CCDC12: variants seen among roughly 807,000 people sequenced by gnomAD.
The protein encoded by CCDC12 is coiled-coil domain-containing protein 12.
In CCDC12, 28 loss-of-function variants were observed where a neutral mutation model predicts 25.7. The ratio of observed to expected loss-of-function variants is 1.09; its 90% confidence interval spans 0.81 to 1.50. The LOEUF (loss-of-function observed/expected upper bound fraction) is 1.50, where lower values mean the gene tolerates loss of function less well. CCDC12 is among the 40% of genes most tolerant of loss of function. The probability of loss-of-function intolerance (pLI) is 0.00; values close to 1 mark genes in which losing one functional copy is unlikely to be tolerated. For synonymous variants in CCDC12, 75 were observed against 87.7 expected, an observed-to-expected ratio of 0.86 and a Z score of 0.81; for missense variants, 198 against 210.0, an observed-to-expected ratio of 0.94 and a Z score of 0.35.
intron 1 of CCDC12, among the ~76,000 whole-genome samples, chr3:46,943,352 G>A (rs778658859): frequency 9.9e-5 from 15 of 152,092 alleles, no homozygotes; most frequent in Non-Finnish European, 1.6e-4. Context: ...CCCAACCAGC[G>A]GACACCCTGA....
chr3:46,943,202 C>T (rs1260158551), intron 1 of CCDC12, among the ~76,000 whole-genome samples: 1 of 152,130 alleles, frequency 6.6e-6, no homozygotes, highest in Non-Finnish European at 1.5e-5. Flanking sequence ...CAGGATTCTC[C>T]AAATGGCTCC....
chr3:46,953,439 T>C (rs2034189679), intron 1 of CCDC12, among the ~76,000 whole-genome samples: 1 of 152,124 alleles, frequency 6.6e-6, no homozygotes, highest in Non-Finnish European at 1.5e-5. Flanking sequence ...GTGGGTAGTA[T>C]TTTTTCCATC....
chr3:46,961,131 G>T (rs1446855284), intron 1 of CCDC12, among the ~76,000 whole-genome samples: 4 of 151,968 alleles, frequency 2.6e-5, no homozygotes, highest in African/African-American at 9.7e-5. Flanking sequence ...CAGGGGGCTG[G>T]GTGTGGAGAG....
chr3:46,976,898 G>A (rs1034422089), upstream of CCDC12: 3 of 884,096 alleles, frequency 3.4e-6, no homozygotes, highest in Non-Finnish European at 2.9e-6. Context: ...GCCTTGCCCC[G>A]CCCCGCCCCG....
chr3:46,951,442 C>T (rs1413489671), intron 1 of CCDC12, among the ~76,000 whole-genome samples: 1 of 151,830 alleles, frequency 6.6e-6, no homozygotes, highest in Non-Finnish European at 1.5e-5. Flanking sequence ...TCACGTTGTA[C>T]ACCATAAATA....
chr3:46,976,937 C>T, upstream of CCDC12: 1 of 659,716 alleles, frequency 1.5e-6, no homozygotes, highest in South Asian at 3.5e-5. Context: ...GGACAACTTG[C>T]CTAGTGGGTG....
chr3:46,925,143 T>A (rs2032888669), intron 3 of CCDC12: 1 of 518,208 alleles, frequency 1.9e-6, no homozygotes, highest in African/African-American at 1.9e-5. Flanking sequence ...CATGACCACA[T>A]CCACTTCTCA....
intron 1 of CCDC12, among the ~76,000 whole-genome samples, chr3:46,968,973 C>T (rs2034719392): frequency 6.6e-6 from 1 of 152,226 alleles, no homozygotes; most frequent in African/African-American, 2.4e-5. Context: ...TTATGACTGC[C>T]AACCTGCCAA....
At chr3:46,974,389 C>T (rs1271460902) in intron 1 of CCDC12, among the ~76,000 whole-genome samples, 1 of 152,210 alleles carries the variant, frequency 6.6e-6, no homozygotes, top group Non-Finnish European at 1.5e-5. Flanking sequence ...AGCCAGTTCT[C>T]CTGATGATCT....
At chr3:46,929,224 A>G (rs2033103976) in intron 2 of CCDC12, among the ~76,000 whole-genome samples, 1 of 152,230 alleles carries the variant, frequency 6.6e-6, no homozygotes, top group African/African-American at 2.4e-5. Flanking sequence ...AAATCACTAA[A>G]AGAAAGGGAA....
chr3:46,953,585 A>T (rs981817640), intron 1 of CCDC12, among the ~76,000 whole-genome samples: 2 of 151,812 alleles, frequency 1.3e-5, no homozygotes, highest in Admixed American at 6.6e-5. Context: ...GAAGCAGGAA[A>T]CCATGGCTGG....
chr3:46,972,138 A>G (rs2034821919), intron 1 of CCDC12, among the ~76,000 whole-genome samples: 1 of 152,214 alleles, frequency 6.6e-6, no homozygotes, highest in South Asian at 2.1e-4. Context: ...AAACAGATAA[A>G]TTGAACTTCA....
intron 1 of CCDC12, among the ~76,000 whole-genome samples, chr3:46,957,667 G>T (rs1044785379): frequency 6.6e-6 from 1 of 152,102 alleles, no homozygotes; most frequent in Non-Finnish European, 1.5e-5. Context: ...TAGCCAGGGC[G>T]GCGGTGGCTC....
At chr3:46,972,856 C>T (rs894083452) in intron 1 of CCDC12, among the ~76,000 whole-genome samples, 1 of 151,860 alleles carries the variant, frequency 6.6e-6, no homozygotes, top group Non-Finnish European at 1.5e-5. Flanking sequence ...CACACTGCTG[C>T]TGGGAATGTA....
chr3:46,923,304 C>T, intron 5 of CCDC12, 25 bp downstream of exon 5: 3 of 1,473,852 alleles, frequency 2.0e-6, no homozygotes, highest in Admixed American at 4.8e-5. Flanking sequence ...TCAGCCTGCA[C>T]CCGCCACGCA....
intron 1 of CCDC12, chr3:46,965,842 T>C (rs1683559191): frequency 6.6e-6 from 1 of 151,898 alleles, no homozygotes; most frequent in Non-Finnish European, 1.5e-5. Context: ...AAAATAAGAG[T>C]ATAGGAGAAA....
intron 1 of CCDC12, among the ~76,000 whole-genome samples, chr3:46,972,062 T>TA (rs11453645): frequency 0.49 from 74,825 of 151,872 alleles, 19,852 homozygotes; most frequent in Non-Finnish European, 0.58. Flanking sequence ...TTCACCTTAA[T>TA]AAAAAAAATC....
intron 1 of CCDC12, among the ~76,000 whole-genome samples, chr3:46,959,354 C>T (rs1433011880): frequency 6.6e-6 from 1 of 152,206 alleles, no homozygotes; most frequent in Non-Finnish European, 1.5e-5. Flanking sequence ...TCTTCAACTG[C>T]TAGATGGCAT....
chr3:46,923,837 G>A (rs2032817927), intron 3 of CCDC12, 169 bp from the exon 4 acceptor site: 2 of 466,712 alleles, frequency 4.3e-6, no homozygotes, highest in East Asian at 7.0e-5. Flanking sequence ...GGCAGCTCTG[G>A]AGGAGGGGCC....
Sources: gnomAD v4.1 joint callset for allele counts (sites outside exome capture counted in the v4.1 genomes callset) on GRCh38, gnomAD v4.1.1 for gene constraint, MANE v1.5 for transcripts, NCBI Gene and HGNC (gene_info 2026-07-23, HGNC 2026-07-21) for gene names.